Variants in WDPCP observed in about 807,000 individuals in gnomAD.
The protein encoded by WDPCP is WD repeat-containing and planar cell polarity effector protein fritz homolog.
WDPCP carries 71 observed loss-of-function variants against 93.1 expected under a neutral mutation model. The ratio of observed to expected loss-of-function variants is 0.76; its 90% CI spans 0.63 to 0.93. WDPCP has a LOEUF of 0.93. Ranked by LOEUF, WDPCP falls within the 40% of genes least tolerant of loss-of-function variation. The pLI, the probability that WDPCP is intolerant of heterozygous loss-of-function variation, is 0.00. For missense variants in WDPCP, 844 were observed against 887.4 expected, an observed-to-expected ratio of 0.95 and a Z score of 0.62; for synonymous variants, 315 against 315.0, an observed-to-expected ratio of 1.00 and a Z score of 0.00.
intron 1 of WDPCP, among the ~76,000 whole-genome samples, chr2:63,533,526 C>A (rs935638037): frequency 3.3e-5 from 5 of 152,158 alleles, no homozygotes; most frequent in African/African-American, 4.8e-5. Context: ...GACCACAGTG[C>A]AATCAAATTA....
rs532940800 is a variant in WDPCP, at chr2:63,311,260, G to T, written c.1812+1988C>A. On this transcript the variant is annotated intron_variant, in intron 13 of 17. Coordinates refer to ENST00000272321, the MANE Select transcript of WDPCP (RefSeq NM_015910.7). ...ATCATGTATAAATAGGAATAATCCT[G>T]TTTAATCTACAAGCTTTTAATTTCA... is the stretch of plus-strand genomic sequence containing the variant. 2.6e-5 allele frequency among the ~76,000 whole-genome samples: 4 copies of T among 152,236 alleles called. 1 individual carries two copies. The South Asian group carries it at 8.3e-4, about 32-fold the overall frequency.
At chr2:63,422,763 T>A (rs1448774646) in intron 9 of WDPCP, among the ~76,000 whole-genome samples, 3 of 152,142 alleles carry the variant, frequency 2.0e-5, no homozygotes. Flanking sequence ...CAAAACTGAC[T>A]ACTAACTTGA....
chr2:63,155,324 G>A (rs926796368), intron 15 of WDPCP, among the ~76,000 whole-genome samples: 5 of 152,244 alleles, frequency 3.3e-5, no homozygotes, highest in African/African-American at 1.2e-4. Context: ...GGTTTAGTTT[G>A]AGATTCTTTG....
intron 6 of WDPCP, among the ~76,000 whole-genome samples, chr2:63,450,131 G>T (rs76307928): frequency 0.02 from 3,099 of 152,196 alleles, 125 homozygotes; most frequent in African/African-American, 0.071. Flanking sequence ...TCTGCTCCTG[G>T]GCTCACACAT....
At chr2:63,208,702 T>G (rs1194500002) in intron 14 of WDPCP, among the ~76,000 whole-genome samples, 1 of 152,186 alleles carries the variant, frequency 6.6e-6, no homozygotes, top group Non-Finnish European at 1.5e-5. Flanking sequence ...AATTAGTAGT[T>G]GAAGTTTTCA....
At chr2:63,299,084 CTG>C (rs1231527141) in intron 13 of WDPCP, among the ~76,000 whole-genome samples, 4 of 152,162 alleles carry the variant, frequency 2.6e-5, no homozygotes, top group Admixed American at 2.0e-4. Context: ...CATGCATCCT[CTG>C]GATGCATGGA....
At chr2:63,438,134 A>G in intron 7 of WDPCP, 1 of 623,638 alleles carries the variant, frequency 1.6e-6, no homozygotes. Flanking sequence ...CAGCTTTGTC[A>G]CCAAAGCACA....
upstream of WDPCP, chr2:63,589,470 A>T: frequency 7.5e-7 from 1 of 1,340,546 alleles, no homozygotes; most frequent in Non-Finnish European, 1.0e-6. Context: ...TGTCACAGGG[A>T]CCTTGAAAGC....
At chr2:63,667,733 C>T (rs1034060137) in intron 2 of WDPCP, among the ~76,000 whole-genome samples, 3 of 148,154 alleles carry the variant, frequency 2.0e-5, no homozygotes, top group Non-Finnish European at 4.4e-5. Flanking sequence ...CCCATGATAT[C>T]CCAGGAGGAA....
chr2:63,497,966 C>A lies in WDPCP; in HGVS notation c.76-5026G>T, dbSNP rs185025019. ...AAGTAAGCTGAGCAATGCTGCCCCA[C>A]TCAGTGCCCTTGTACATTTCCCTGA... On this transcript the variant is annotated intron_variant, in intron 1 of 17. Transcript: ENST00000272321. Among the ~76,000 whole-genome samples, 11 of 152,272 alleles carry A rather than the reference C, an allele frequency of 7.2e-5. No individual in the cohort carries two copies. In the East Asian group the frequency reaches 1.2e-3, roughly 16 times the overall value.
At chr2:63,156,363 A>G (rs1182464727) in intron 15 of WDPCP, among the ~76,000 whole-genome samples, 2 of 152,132 alleles carry the variant, frequency 1.3e-5, no homozygotes, top group Non-Finnish European at 2.9e-5. Flanking sequence ...TAGACTTATA[A>G]CACAGTATTT....
intron 10 of WDPCP, among the ~76,000 whole-genome samples, chr2:63,383,665 A>T (rs1206144819): frequency 2.6e-5 from 4 of 152,168 alleles, no homozygotes; most frequent in South Asian, 2.1e-4. Context: ...TTGAACCAAG[A>T]TCACACCACT....
chr2:63,447,856 T>C (rs1404523410), intron 6 of WDPCP, among the ~76,000 whole-genome samples: 3 of 152,056 alleles, frequency 2.0e-5, no homozygotes, highest in Non-Finnish European at 4.4e-5. Flanking sequence ...CATACACAGA[T>C]GAGTGTTTGA....
intron 9 of WDPCP, among the ~76,000 whole-genome samples, chr2:63,417,592 TAAAC>T (rs922876222): frequency 1.8e-4 from 27 of 151,432 alleles, no homozygotes; most frequent in Non-Finnish European, 2.8e-4. Context: ...TGTACTATAA[TAAAC>T]AAGAAACAAG....
intron 13 of WDPCP, among the ~76,000 whole-genome samples, chr2:63,300,778 G>C (rs564129821): frequency 6.6e-6 from 1 of 152,354 alleles, no homozygotes; most frequent in African/African-American, 2.4e-5. Flanking sequence ...CCCCACCACA[G>C]TGACTGTCTC....
At chr2:63,289,882 A>C (rs1684276898) in intron 13 of WDPCP, among the ~76,000 whole-genome samples, 2 of 150,918 alleles carry the variant, frequency 1.3e-5, no homozygotes, top group Admixed American at 6.6e-5. Flanking sequence ...TTTGTTTTTG[A>C]AGTCACTTTG....
chr2:63,177,391 A>T (rs1673893554), intron 14 of WDPCP, among the ~76,000 whole-genome samples: 1 of 152,172 alleles, frequency 6.6e-6, no homozygotes, highest in African/African-American at 2.4e-5. Context: ...GATGTCTTTC[A>T]ATTTATTTGT....
At chr2:63,577,803 T>C (rs1392570815) in intron 1 of WDPCP, among the ~76,000 whole-genome samples, 1 of 152,202 alleles carries the variant, frequency 6.6e-6, no homozygotes, top group Non-Finnish European at 1.5e-5. Context: ...TCATAGACTA[T>C]GTTGTGAAAT....
chr2:63,249,128 GA>G (rs1200604215), intron 14 of WDPCP, among the ~76,000 whole-genome samples: 1 of 151,986 alleles, frequency 6.6e-6, no homozygotes, highest in Non-Finnish European at 1.5e-5. Context: ...CTGGGCATTT[GA>G]AAAAGCCATC....
Sources: gnomAD v4.1 joint callset for allele counts (sites outside exome capture counted in the v4.1 genomes callset) on GRCh38, gnomAD v4.1.1 for gene constraint, MANE v1.5 for transcripts, NCBI Gene and HGNC (gene_info 2026-07-23, HGNC 2026-07-21) for gene names.